UST: variants seen among roughly 807,000 people sequenced by gnomAD.
UST encodes the protein uronyl 2-sulfotransferase, also known as chondroitin sulfate 2-O-sulfotransferase.
UST carries 21 observed loss-of-function variants against 45.6 expected under a neutral mutation model. The observed-to-expected ratio is 0.46, with a 90% CI of 0.33 to 0.66. The LOEUF (loss-of-function observed/expected upper bound fraction) is 0.66, where lower values mean the gene tolerates loss of function less well. Among genes scored for constraint, UST ranks in the 30% least tolerant of loss-of-function variants. The pLI is 0.02. For synonymous variants in UST, 215 were observed against 200.6 expected, an observed-to-expected ratio of 1.07 and a Z score of -0.61; for missense variants, 463 against 512.4, an observed-to-expected ratio of 0.90 and a Z score of 0.93.
At chr6:148,824,666 T>TTTTC (rs1227921154) in intron 1 of UST, among the ~76,000 whole-genome samples, 2 of 122,608 alleles carry the variant, frequency 1.6e-5, no homozygotes, top group African/African-American at 6.9e-5. Flanking sequence ...GTAGATGGTA[T>TTTTC]TTTCTTTCTT....
chr6:148,853,902 GCATA>G (rs1215589361), intron 1 of UST, among the ~76,000 whole-genome samples: 1 of 152,076 alleles, frequency 6.6e-6, no homozygotes, highest in Non-Finnish European at 1.5e-5. Context: ...CCTACCCCCT[GCATA>G]CCCAAAATAC....
At chr6:148,979,573 C>T (rs1023584722) in intron 5 of UST, among the ~76,000 whole-genome samples, 1 of 152,174 alleles carries the variant, frequency 6.6e-6, no homozygotes, top group Non-Finnish European at 1.5e-5. Flanking sequence ...AGACCCTGTA[C>T]TTTGAGCAGT....
At chr6:148,854,415 C>G (rs1344443018) in intron 1 of UST, among the ~76,000 whole-genome samples, 2 of 152,212 alleles carry the variant, frequency 1.3e-5, no homozygotes, top group South Asian at 2.1e-4. Context: ...ATCTTAACTA[C>G]TCTTTGTCTT....
intron 5 of UST, among the ~76,000 whole-genome samples, chr6:148,992,593 A>G (rs977150140): frequency 3.3e-5 from 5 of 152,232 alleles, no homozygotes; most frequent in African/African-American, 1.2e-4. Context: ...TGGACCACCC[A>G]GAGGACTCTA....
At chr6:148,813,734 T>G (rs1777303341) in intron 1 of UST, among the ~76,000 whole-genome samples, 1 of 152,228 alleles carries the variant, frequency 6.6e-6, no homozygotes, top group South Asian at 2.1e-4. Context: ...GAATGTGTCC[T>G]TCACCATTTA....
intron 5 of UST, among the ~76,000 whole-genome samples, chr6:148,984,493 G>T (rs1170251952): frequency 2.0e-5 from 3 of 152,182 alleles, no homozygotes. Context: ...AAAAGTCCTA[G>T]ACATCATGAC....
chr6:149,071,223 A>G (rs1230304827), intron 7 of UST, among the ~76,000 whole-genome samples: 3 of 152,156 alleles, frequency 2.0e-5, no homozygotes, highest in Non-Finnish European at 2.9e-5. Flanking sequence ...TAGCCTCTAC[A>G]TAGAGAATTT....
At chr6:149,068,255 A>G (rs781391648) in intron 7 of UST, among the ~76,000 whole-genome samples, 2 of 152,190 alleles carry the variant, frequency 1.3e-5, no homozygotes, top group Non-Finnish European at 2.9e-5. Flanking sequence ...CCACACCAAG[A>G]AACAACACAG....
At chr6:148,763,230 T>C (rs1267816503) in intron 1 of UST, among the ~76,000 whole-genome samples, 1 of 152,252 alleles carries the variant, frequency 6.6e-6, no homozygotes, top group East Asian at 1.9e-4. Flanking sequence ...ATTGTGGTTT[T>C]AATTTGCATT....
intron 1 of UST, among the ~76,000 whole-genome samples, chr6:148,821,269 C>T (rs1777461013): frequency 1.3e-5 from 2 of 151,870 alleles, no homozygotes; most frequent in South Asian, 2.1e-4. Flanking sequence ...CCGCACCTGG[C>T]TGTATTTTTT....
At position 148,817,059 on chromosome 6, in the gene UST, G is replaced by A. The variant is rs189735439; in HGVS notation, c.247+69382G>A. ...TTGAGTAAATTGGGATTGGAGTCCA[G>A]AGATAGGAATAGTTTTGAAGTATGC... is the stretch of plus-strand genomic sequence containing the variant. On this transcript the variant is annotated intron_variant, in intron 1 of 7. Transcript: ENST00000367463. Among the ~76,000 whole-genome samples the A allele has an allele frequency of 8.5e-5, 13 of 152,346 alleles. No individual in the cohort carries two copies. In the East Asian group the frequency reaches 1.9e-3, roughly 23 times the overall value.
intron 1 of UST, among the ~76,000 whole-genome samples, chr6:148,865,376 TC>T (rs1362837494): frequency 6.6e-6 from 1 of 152,194 alleles, no homozygotes; most frequent in Non-Finnish European, 1.5e-5. Context: ...TTTGAAAGAC[TC>T]CCCACAGAAA....
chr6:148,892,840 G>A (rs1184150827), intron 2 of UST, among the ~76,000 whole-genome samples: 4 of 152,094 alleles, frequency 2.6e-5, no homozygotes, highest in African/African-American at 2.4e-5. Flanking sequence ...ATAGCAAACT[G>A]TTTCAAGATA....
chr6:148,789,453 T>TCACACA (rs58763326), intron 1 of UST, among the ~76,000 whole-genome samples: 6 of 134,224 alleles, frequency 4.5e-5, no homozygotes, highest in African/African-American at 1.5e-4. Flanking sequence ...TCTCTCTCTC[T>TCACACA]CACACACACA....
chr6:148,821,799 C>T (rs1387723137), intron 1 of UST, among the ~76,000 whole-genome samples: 1 of 152,138 alleles, frequency 6.6e-6, no homozygotes, highest in Non-Finnish European at 1.5e-5. Flanking sequence ...CCCCCGTTTA[C>T]TTATTATTCA....
intron 5 of UST, among the ~76,000 whole-genome samples, chr6:148,970,625 A>G (rs1198423487): frequency 6.6e-6 from 1 of 152,212 alleles, no homozygotes; most frequent in East Asian, 1.9e-4. Flanking sequence ...TGCCAGGCAG[A>G]GCCAGGCCCC....
At chr6:148,815,489 CT>C (rs1185670492) in intron 1 of UST, among the ~76,000 whole-genome samples, 4 of 152,072 alleles carry the variant, frequency 2.6e-5, no homozygotes, top group African/African-American at 7.2e-5. Context: ...CACTCCCCTG[CT>C]TTTTTTTAAC....
chr6:148,868,601 C>T (rs530978051), intron 1 of UST, among the ~76,000 whole-genome samples: 21 of 152,296 alleles, frequency 1.4e-4, no homozygotes, highest in African/African-American at 5.1e-4. Flanking sequence ...AACCGATCTA[C>T]TAAGTACTAA....
intron 7 of UST, among the ~76,000 whole-genome samples, chr6:149,052,295 G>C (rs1776498713): frequency 6.6e-6 from 1 of 152,124 alleles, no homozygotes; most frequent in Non-Finnish European, 1.5e-5. Flanking sequence ...TATATTTTGA[G>C]GATAACAGTC....
Sources: gnomAD v4.1 joint callset for allele counts (sites outside exome capture counted in the v4.1 genomes callset) on GRCh38, gnomAD v4.1.1 for gene constraint, MANE v1.5 for transcripts, NCBI Gene and HGNC (gene_info 2026-07-23, HGNC 2026-07-21) for gene names.